The following USP22 variants were observed in gnomAD, a reference collection of about 807,000 sequenced individuals.
USP22 encodes ubiquitin carboxyl-terminal hydrolase 22.
In USP22, 22 loss-of-function variants were observed where a neutral mutation model predicts 68.1. That is an observed-to-expected ratio of 0.32 (90% CI 0.23 to 0.46). The LOEUF is 0.46. USP22 is among the 20% of genes least tolerant of loss of function. USP22 has a pLI of 1.00. For missense variants in USP22, 433 were observed against 695.8 expected, an observed-to-expected ratio of 0.62 and a Z score of 4.25; for synonymous variants, 279 against 274.2, an observed-to-expected ratio of 1.02 and a Z score of -0.17.
intron 4 of USP22, chr17:21,018,383 G>A (rs891340980): frequency 1.3e-5 from 4 of 314,426 alleles, no homozygotes; most frequent in Non-Finnish European, 2.3e-5. Context: ...AACAGGCCAG[G>A]TCAGAGTGAA....
At chr17:21,013,059 G>A in intron 6 of USP22, 124 bp from the exon 7 acceptor site, 5 of 728,852 alleles carry the variant, frequency 6.9e-6, no homozygotes, top group Non-Finnish European at 9.3e-6. Flanking sequence ...GGCCATGTGA[G>A]GACACTCCTC....
intron 1 of USP22, among the ~76,000 whole-genome samples, chr17:21,042,433 G>A (rs1297741225): frequency 2.2e-5 from 3 of 135,862 alleles, no homozygotes; most frequent in Admixed American, 6.9e-5. Flanking sequence ...GGGGAAGGGG[G>A]GAGAGGGGAA....
Position 21,004,927 on chromosome 17 carries a change from CTTG to C in USP22, c.1383_1385del (p.Asn461del), listed in dbSNP as rs755721505. ...CACCCACACCGCTAAGCACCACTTA[CTTG>C]TTGTCATTGTTGAGACTGTCCGTGG... On this transcript the variant is annotated inframe_deletion and splice_region_variant, in exon 11 of 13. Coordinates refer to ENST00000261497, the MANE Select transcript of USP22 (RefSeq NM_015276.2). 3 of 1,614,094 alleles carry C rather than the reference CTTG, an allele frequency of 1.9e-6. No homozygotes were observed. Among genetic ancestry groups the C allele is most frequent in the Admixed American group, 1.7e-5 (1 of 59,998 alleles).
In USP22 at chr17:21,004,190, C is replaced by T; in HGVS notation, c.1535+12G>A. The stretch of plus-strand genomic sequence containing the variant: ...CCACCGTAGGGCCTTCCTCCCACCC[C>T]ACAGGACGCACCCTTCGCTGTCCAG... On this transcript the variant is annotated intron_variant, in intron 12 of 12. Transcript: ENST00000261497. 1 of 1,613,254 alleles carries T rather than the reference C, an allele frequency of 6.2e-7. No homozygotes were observed. Among genetic ancestry groups the T allele is most frequent in the African/African-American group, 1.3e-5 (1 of 75,028 alleles).
chr17:21,016,751 G>A (rs1972087911), intron 5 of USP22, among the ~76,000 whole-genome samples: 1 of 152,172 alleles, frequency 6.6e-6, no homozygotes, highest in Non-Finnish European at 1.5e-5. Flanking sequence ...AAGACAGATC[G>A]GCAGCTACCA....
chr17:21,042,066 T>A (rs772240294), intron 1 of USP22, among the ~76,000 whole-genome samples: 1 of 152,100 alleles, frequency 6.6e-6, no homozygotes, highest in Non-Finnish European at 1.5e-5. Context: ...CCAGCTCCCG[T>A]CCAAGGTCGC....
In USP22 at chr17:21,011,137, T is replaced by C. The variant is rs1266472975; in HGVS notation, c.1103+14A>G. The C allele has an allele frequency of 6.4e-7, 1 of 1,574,350 alleles. No homozygotes were observed. The highest frequency in any genetic ancestry group is 1.2e-5 in the South Asian group (1 of 83,930). The stretch of plus-strand genomic sequence containing the variant: ...AGGAGACACGCCCCCGCCGTGTGGG[T>C]GCAGGCCTCTCACCGTCGCAGGCAG... On this transcript the variant is annotated intron_variant, in intron 8 of 12. Transcript: ENST00000261497.
intron 1 of USP22, among the ~76,000 whole-genome samples, 174 bp from the exon 2 acceptor site, chr17:21,028,848 C>T (rs1258387993): frequency 6.6e-6 from 1 of 152,080 alleles, no homozygotes; most frequent in South Asian, 2.1e-4. Context: ...TTCCCCCAAA[C>T]AGGACTTCAT....
chr17:21,002,781 G>A lies in USP22; in HGVS notation c.*250C>T, dbSNP rs1913632728. 4.2e-6 allele frequency: 2 copies of A among 473,136 alleles called. No individual in the cohort carries two copies. The highest frequency in any genetic ancestry group is 2.0e-5 in the African/African-American group (1 of 50,520). 29.3% of individuals were successfully genotyped at this position (473,136 alleles called of 1,614,324 possible). A position where few individuals can be genotyped will look rare whatever the true frequency, so the allele number is the denominator to read the frequency against. On this transcript the variant is annotated 3_prime_UTR_variant, in exon 13 of 13. Transcript: ENST00000261497. The stretch of plus-strand genomic sequence containing the variant: ...AGAGATGTTCTGGTGACGGGTGTAC[G>A]CTGCTCCTCCCACCCAGAGCACACC...
At chr17:21,004,141 T>C in intron 12 of USP22, 61 bp downstream of exon 12, 21 of 1,588,504 alleles carry the variant, frequency 1.3e-5, no homozygotes, top group Non-Finnish European at 1.8e-5. Context: ...TAGTCTCAGC[T>C]ATACCGGAGG....
At chr17:21,019,388 G>A (rs1972126240) in intron 3 of USP22, among the ~76,000 whole-genome samples, 1 of 152,252 alleles carries the variant, frequency 6.6e-6, no homozygotes, top group South Asian at 2.1e-4. Flanking sequence ...GAGGGTATGA[G>A]GATGTGAGCT....
At chr17:21,021,546 C>T (rs946078343) in intron 2 of USP22, among the ~76,000 whole-genome samples, 2 of 152,228 alleles carry the variant, frequency 1.3e-5, no homozygotes, top group African/African-American at 4.8e-5. Flanking sequence ...AAAACTGGTA[C>T]AACTGCATTG....
At chr17:21,006,872 G>C (rs367561152) in intron 10 of USP22, 24 bp downstream of exon 10, 1 of 1,567,800 alleles carries the variant, frequency 6.4e-7, no homozygotes, top group Non-Finnish European at 8.7e-7. Context: ...TCAGGACACA[G>C]AACGGGCCTA....
intron 8 of USP22, 49 bp downstream of exon 8, chr17:21,011,102 C>A (rs777509325): frequency 1.2e-5 from 19 of 1,531,680 alleles, no homozygotes; most frequent in African/African-American, 2.8e-5. Flanking sequence ...TGGAGCACAG[C>A]CTTCTGGCCA....
intron 1 of USP22, among the ~76,000 whole-genome samples, chr17:21,029,131 GAAGA>G (rs1471230553): frequency 6.6e-6 from 1 of 152,182 alleles, no homozygotes; most frequent in Non-Finnish European, 1.5e-5. Flanking sequence ...GCAATGTACA[GAAGA>G]AAGAAAAAGG....
chr17:21,011,121 GC>G (rs748624004), intron 8 of USP22, 29 bp downstream of exon 8: 273 of 1,550,746 alleles, frequency 1.8e-4, no homozygotes, highest in Non-Finnish European at 2.2e-4. Flanking sequence ...CAGGAGACAC[GC>G]CCCCGCCGTG....
At chr17:21,006,708 T>C (rs1233541680) in intron 10 of USP22, 188 bp downstream of exon 10, 8 of 355,600 alleles carry the variant, frequency 2.2e-5, no homozygotes, top group African/African-American at 1.7e-4. Context: ...TTTCACCATG[T>C]TGGCCATGAT....
chr17:21,036,136 T>C (rs1972353183), intron 1 of USP22, among the ~76,000 whole-genome samples: 1 of 150,752 alleles, frequency 6.6e-6, no homozygotes, highest in African/African-American at 2.5e-5. Flanking sequence ...CTACAGACTG[T>C]ATGAACCCAA....
intron 2 of USP22, among the ~76,000 whole-genome samples, chr17:21,023,180 G>C (rs1264554764): frequency 6.6e-6 from 1 of 152,134 alleles, no homozygotes; most frequent in Non-Finnish European, 1.5e-5. Flanking sequence ...CTACTTGAGG[G>C]TGGAGAGTGG....
Sources: allele counts gnomAD v4.1 joint callset (sites outside exome capture counted in the v4.1 genomes callset), GRCh38; gene constraint gnomAD v4.1.1; transcripts MANE v1.5; gene names NCBI Gene and HGNC (gene_info 2026-07-23, HGNC 2026-07-21).